The following RAB22A variants were observed in gnomAD, a reference collection of about 807,000 sequenced individuals.
RAB22A encodes ras-related protein Rab-22A.
In RAB22A, 13 loss-of-function variants were observed where a neutral mutation model predicts 30.2. The observed-to-expected ratio is 0.43, with a 90% CI of 0.28 to 0.68. The LOEUF is 0.68. Ranked by LOEUF, RAB22A falls within the 30% of genes least tolerant of loss-of-function variation. The pLI, the probability that RAB22A is intolerant of heterozygous loss-of-function variation, is 0.18. For synonymous variants in RAB22A, 89 were observed against 87.2 expected, an observed-to-expected ratio of 1.02 and a Z score of -0.11; for missense variants, 177 against 246.8, an observed-to-expected ratio of 0.72 and a Z score of 1.89.
At chr20:58,310,272 C>A (rs2122915279) in intron 1 of RAB22A, among the ~76,000 whole-genome samples, 1 of 152,280 alleles carries the variant, frequency 6.6e-6, no homozygotes, top group East Asian at 1.9e-4. Context: ...GCAAACAGCC[C>A]CCCCTTGCCT....
chr20:58,324,740 G>A (rs537135066), intron 2 of RAB22A, among the ~76,000 whole-genome samples: 3 of 151,426 alleles, frequency 2.0e-5, no homozygotes, highest in South Asian at 2.1e-4. Flanking sequence ...GGGGGCACAT[G>A]CCTGTAGTCC....
chr20:58,319,795 G>T (rs546501410), intron 2 of RAB22A, among the ~76,000 whole-genome samples: 69 of 152,242 alleles, frequency 4.5e-4, no homozygotes, highest in Admixed American at 4.5e-3. Context: ...GGTTGAAGAT[G>T]TTCCCTTCTA....
At chr20:58,310,378 CCAATAACAGGTCTTTAGGTTTTA>C (rs1197188756) in intron 1 of RAB22A, among the ~76,000 whole-genome samples, 1 of 152,132 alleles carries the variant, frequency 6.6e-6, no homozygotes, top group Non-Finnish European at 1.5e-5. Flanking sequence ...CAAAGTAAAA[CCAATAACAGGTCTTTAGGTTTTA>C]CAAGCAGCAT....
chr20:58,331,867 C>T (rs548113958), intron 2 of RAB22A, among the ~76,000 whole-genome samples: 7 of 152,192 alleles, frequency 4.6e-5, no homozygotes, highest in South Asian at 2.1e-4. Context: ...CTCCAGGTGA[C>T]GGGTATTTAA....
chr20:58,331,962 A>G (rs1332049091), intron 2 of RAB22A, among the ~76,000 whole-genome samples: 5 of 152,204 alleles, frequency 3.3e-5, no homozygotes, highest in Non-Finnish European at 1.5e-5. Context: ...CTGCCTTGCC[A>G]TAAGGGAGCA....
In RAB22A at chr20:58,334,415, A is replaced by T. The variant is rs144110002; in HGVS notation, c.117-9303A>T. Among the ~76,000 whole-genome samples the T allele has an allele frequency of 6.0e-4, 91 of 152,276 alleles. 1 individual carries two copies. In the East Asian group the frequency reaches 0.016, roughly 27 times the overall value. ...ATCTATCCAAAGAAGATAGAAAAAG[A>T]AGAGCAGAGAAACAAATACCAAAAT... On this transcript the variant is annotated intron_variant, in intron 2 of 6. Transcript: ENST00000244040.
At chr20:58,333,648 A>G (rs1034667221) in intron 2 of RAB22A, among the ~76,000 whole-genome samples, 1 of 152,222 alleles carries the variant, frequency 6.6e-6, no homozygotes, top group African/African-American at 2.4e-5. Context: ...TTCATGAAAT[A>G]GTATAATATT....
intron 2 of RAB22A, among the ~76,000 whole-genome samples, chr20:58,314,953 C>T (rs999166044): frequency 6.6e-6 from 1 of 151,970 alleles, no homozygotes; most frequent in Non-Finnish European, 1.5e-5. Flanking sequence ...ACAGCAAGGA[C>T]CGTGAGGCGG....
At chr20:58,314,142 A>G (rs1261964333) in intron 2 of RAB22A, among the ~76,000 whole-genome samples, 1 of 150,158 alleles carries the variant, frequency 6.7e-6, no homozygotes, top group Non-Finnish European at 1.5e-5. Flanking sequence ...TCTGCCTCCC[A>G]TGTTGAAGCG....
In RAB22A at chr20:58,360,242, C is replaced by G. The variant is rs1006030140; in HGVS notation, c.*539C>G. On this transcript the variant is annotated 3_prime_UTR_variant, in exon 7 of 7. Transcript: ENST00000244040. ...GGAAATGATTTCATCTCTGCCATCT[C>G]TAAAGCACTTTTCATTGAACATGTT... 6.6e-6 allele frequency: 1 copy of G among 152,638 alleles called. No individual in the cohort carries two copies. Among genetic ancestry groups the G allele is most frequent in the Non-Finnish European group, 1.5e-5 (1 of 68,066 alleles). 9.5% of individuals were successfully genotyped at this position (152,638 alleles called of 1,614,324 possible). A position where few individuals can be genotyped will look rare whatever the true frequency, so the allele number is the denominator to read the frequency against.
intron 2 of RAB22A, among the ~76,000 whole-genome samples, chr20:58,326,233 A>G (rs1352263609): frequency 1.3e-5 from 2 of 152,106 alleles, no homozygotes; most frequent in Non-Finnish European, 2.9e-5. Context: ...TAGATTCCAT[A>G]TAAGTACCAT....
chr20:58,350,150 C>T lies in RAB22A; in HGVS notation c.199-3123C>T, dbSNP rs183974998. On this transcript the variant is annotated intron_variant, in intron 3 of 6. Transcript: ENST00000244040. ...ACTTAACTGCAAATGGGGAATCTCACATAGAATGGAAACTAATAAAGAATC... is the reference window on the plus strand; with the variant it reads ...ACTTAACTGCAAATGGGGAATCTCATATAGAATGGAAACTAATAAAGAATC... 1.9e-3 allele frequency among the ~76,000 whole-genome samples: 294 copies of T among 151,914 alleles called. 1 individual carries two copies. The highest frequency in any genetic ancestry group is 6.9e-3 in the African/African-American group (284 of 41,384).
At chr20:58,316,856 A>G (rs1185776973) in intron 2 of RAB22A, among the ~76,000 whole-genome samples, 1 of 152,076 alleles carries the variant, frequency 6.6e-6, no homozygotes, top group Non-Finnish European at 1.5e-5. Context: ...GTCCTCAGGT[A>G]CTCAAGCCAG....
At chr20:58,326,915 A>G (rs1204766200) in intron 2 of RAB22A, among the ~76,000 whole-genome samples, 1 of 152,190 alleles carries the variant, frequency 6.6e-6, no homozygotes, top group African/African-American at 2.4e-5. Context: ...GAAAACATTC[A>G]GTATTGTACC....
At chr20:58,359,495 CT>C (rs3069388) in intron 6 of RAB22A, 110 bp from the exon 7 acceptor site, 42,456 of 331,850 alleles carry the variant, frequency 0.13, 118 homozygotes, top group Middle Eastern at 0.21. Context: ...GTTTATTAAA[CT>C]TTTTTTTTTT....
At chr20:58,320,107 T>C (rs1986423052) in intron 2 of RAB22A, among the ~76,000 whole-genome samples, 1 of 152,224 alleles carries the variant, frequency 6.6e-6, no homozygotes, top group South Asian at 2.1e-4. Flanking sequence ...CAGGACCTCA[T>C]CAAATGAGTT....
chr20:58,333,367 C>G (rs764793285), intron 2 of RAB22A, among the ~76,000 whole-genome samples: 21 of 152,130 alleles, frequency 1.4e-4, no homozygotes, highest in Non-Finnish European at 2.9e-5. Context: ...GCCAACTAAT[C>G]TGTATCCAGC....
rs1026650402 is a variant in RAB22A at position 58,364,801 on chromosome 20, A to T, written c.*5098A>T. ...GCCCAGGCTGGTATGCAGTGGCGCG[A>T]TCTCAGCTCACTGCAACCTGTCTCC... On this transcript the variant is annotated 3_prime_UTR_variant, in exon 7 of 7. Coordinates refer to ENST00000244040, the MANE Select transcript of RAB22A (RefSeq NM_020673.3). 1 of 146,628 alleles carries T rather than the reference A, an allele frequency of 6.8e-6. No individual in the cohort carries two copies. Among genetic ancestry groups the T allele is most frequent in the Admixed American group, 7.0e-5 (1 of 14,316 alleles). 9.1% of individuals were successfully genotyped at this position (146,628 alleles called of 1,614,324 possible).
intron 6 of RAB22A, among the ~76,000 whole-genome samples, chr20:58,357,135 C>T (rs1156643668): frequency 1.3e-5 from 2 of 152,158 alleles, no homozygotes; most frequent in Admixed American, 6.5e-5. Flanking sequence ...GACAACCATA[C>T]CGGTAGTGTA....
Sources: gnomAD v4.1 joint callset for allele counts (sites outside exome capture counted in the v4.1 genomes callset) on GRCh38, gnomAD v4.1.1 for gene constraint, MANE v1.5 for transcripts, NCBI Gene and HGNC (gene_info 2026-07-23, HGNC 2026-07-21) for gene names.